The following ADAMTS19 variants were observed in gnomAD, a reference collection of about 807,000 sequenced individuals.
ADAMTS19 encodes the protein ADAM metallopeptidase with thrombospondin type 1 motif 19.
ADAMTS19 carries 93 observed loss-of-function variants against 153.3 expected under a neutral mutation model. The observed-to-expected ratio is 0.61, with a 90% confidence interval of 0.51 to 0.72. ADAMTS19 has a LOEUF of 0.72. Among genes scored for constraint, ADAMTS19 ranks in the 30% least tolerant of loss-of-function variants. ADAMTS19 has a pLI of 0.00. For missense variants in ADAMTS19, 1,482 were observed against 1,552.1 expected, an observed-to-expected ratio of 0.95 and a Z score of 0.76; for synonymous variants, 600 against 556.6, an observed-to-expected ratio of 1.08 and a Z score of -1.10.
In ADAMTS19 at chr5:129,482,964, T is replaced by G. The variant is rs1393323767; in HGVS notation, c.747+21207T>G. On this transcript the variant is annotated intron_variant, in intron 2 of 22. Coordinates refer to ENST00000274487, the MANE Select transcript of ADAMTS19 (RefSeq NM_133638.6). The stretch of plus-strand genomic sequence containing the variant: ...TAACAAAATCTTTTCACATACAAAA[T>G]TTTGCTCATATAATATAAATGGGAT... Among the ~76,000 whole-genome samples the G allele has an allele frequency of 2.0e-5, 3 of 152,304 alleles. No individual in the cohort carries two copies. In the East Asian group the frequency reaches 5.8e-4, roughly 29 times the overall value.
chr5:129,729,541 T>C (rs1041899214), intron 21 of ADAMTS19, among the ~76,000 whole-genome samples: 1 of 152,064 alleles, frequency 6.6e-6, no homozygotes, highest in Admixed American at 6.6e-5. Context: ...AGCAAATCTA[T>C]TAGTTATTAG....
chr5:129,649,768 G>A (rs1176390857), intron 13 of ADAMTS19, among the ~76,000 whole-genome samples: 1 of 152,122 alleles, frequency 6.6e-6, no homozygotes, highest in African/African-American at 2.4e-5. Context: ...TATAACCATG[G>A]GGAGAAACTG....
intron 2 of ADAMTS19, among the ~76,000 whole-genome samples, chr5:129,464,346 C>G (rs560871006): frequency 2.0e-5 from 3 of 152,104 alleles, no homozygotes; most frequent in African/African-American, 7.2e-5. Flanking sequence ...AATTATGATG[C>G]CTTTATATAG....
At chr5:129,666,076 A>C (rs1475753133) in intron 16 of ADAMTS19, among the ~76,000 whole-genome samples, 1 of 151,514 alleles carries the variant, frequency 6.6e-6, no homozygotes. Context: ...TTAATGGAAA[A>C]GGGTTCTCTC....
rs112052031 is a variant in ADAMTS19, at chr5:129,552,325, A to G, written c.1372+418A>G. 7.2e-5 allele frequency among the ~76,000 whole-genome samples: 11 copies of G among 151,978 alleles called. 1 individual carries two copies. The highest frequency in any genetic ancestry group is 2.6e-4 in the African/African-American group (11 of 41,536). On this transcript the variant is annotated intron_variant, in intron 7 of 22. Transcript: ENST00000274487. ...TGTGTCGAAATAAACTGCTAGATTC[A>G]GTATGATTCTTCTTACATGAAGTGG...
intron 16 of ADAMTS19, among the ~76,000 whole-genome samples, chr5:129,678,661 T>C (rs528073724): frequency 1.3e-5 from 2 of 152,264 alleles, no homozygotes; most frequent in Admixed American, 1.3e-4. Context: ...TCTAGGAAAA[T>C]CAATTTGAAA....
At chr5:129,568,295 G>C (rs1323812299) in intron 7 of ADAMTS19, among the ~76,000 whole-genome samples, 2 of 152,056 alleles carry the variant, frequency 1.3e-5, no homozygotes, top group African/African-American at 4.8e-5. Context: ...AGCAAAAATT[G>C]TAACATTGTC....
In ADAMTS19 at chr5:129,616,647, A is replaced by G. The variant is rs150399538; in HGVS notation, c.1479-3971A>G. On this transcript the variant is annotated intron_variant, in intron 8 of 22. Transcript: ENST00000274487. ...TATTTTTTCAGTTGACTTGACAACC[A>G]TGTACAATGTTAGTGAAGAGTTTAT... Among the ~76,000 whole-genome samples, 22 of 152,182 alleles carry G rather than the reference A, an allele frequency of 1.4e-4. 1 individual carries two copies. In the East Asian group the frequency reaches 4.1e-3, roughly 28 times the overall value.
At chr5:129,536,612 T>C (rs28846984) in intron 6 of ADAMTS19, among the ~76,000 whole-genome samples, 3 of 152,142 alleles carry the variant, frequency 2.0e-5, no homozygotes, top group Admixed American at 6.5e-5. Context: ...CACATGCACA[T>C]GTATGTTTAC....
intron 21 of ADAMTS19, among the ~76,000 whole-genome samples, chr5:129,712,651 T>C (rs753956147): frequency 1.3e-5 from 2 of 152,268 alleles, no homozygotes; most frequent in East Asian, 3.9e-4. Flanking sequence ...CCACTAGATA[T>C]ACAAAATTTA....
intron 7 of ADAMTS19, among the ~76,000 whole-genome samples, chr5:129,596,159 A>T (rs1183145713): frequency 6.6e-6 from 1 of 152,084 alleles, no homozygotes; most frequent in Non-Finnish European, 1.5e-5. Context: ...TTTATTTTGC[A>T]TTAATTTTTT....
chr5:129,467,346 T>C (rs888578174), intron 2 of ADAMTS19, among the ~76,000 whole-genome samples: 1 of 152,180 alleles, frequency 6.6e-6, no homozygotes, highest in African/African-American at 2.4e-5. Context: ...GTGGTTCTAA[T>C]TGAATTGGTT....
At chr5:129,708,838 T>C (rs919238263) in intron 21 of ADAMTS19, among the ~76,000 whole-genome samples, 9 of 152,142 alleles carry the variant, frequency 5.9e-5, no homozygotes, top group African/African-American at 2.2e-4. Context: ...TGATTAGTTT[T>C]GGACACATAT....
intron 2 of ADAMTS19, among the ~76,000 whole-genome samples, chr5:129,473,312 T>C (rs909674193): frequency 1.3e-5 from 2 of 152,080 alleles, no homozygotes; most frequent in African/African-American, 4.8e-5. Flanking sequence ...TTATGTAAAA[T>C]GTGATAGGTA....
intron 7 of ADAMTS19, among the ~76,000 whole-genome samples, chr5:129,585,014 G>A (rs1475361358): frequency 6.6e-6 from 1 of 152,136 alleles, no homozygotes; most frequent in Non-Finnish European, 1.5e-5. Context: ...TGAATCTCAG[G>A]GCCCTGGTGG....
chr5:129,597,239 C>T (rs1356751023), intron 8 of ADAMTS19, among the ~76,000 whole-genome samples: 2 of 152,052 alleles, frequency 1.3e-5, no homozygotes, highest in Non-Finnish European at 2.9e-5. Context: ...TTTCATTTCA[C>T]TGAAATTAAT....
rs762955636 is a variant in ADAMTS19, at chr5:129,704,266, C to T, written c.3187C>T (p.Arg1063Cys). 1.9e-6 allele frequency: 3 copies of T among 1,613,900 alleles called. No individual in the cohort carries two copies. Among genetic ancestry groups the T allele is most frequent in the African/African-American group, 1.3e-5 (1 of 75,018 alleles). ...TTCAGTCAAGTGTGGCAAAGGCATA[C>T]GTCATCGGACCGTTAGATGTACCAA... ...ECSVKCGKGI[R>C]HRTVRCTNPR... The change falls in exon 21 of 23, where the codon CGT (arginine) becomes TGT (cysteine). Residue 1063 changes from arginine (R) to cysteine (C), a missense_variant. Transcript: ENST00000274487.
chr5:129,490,403 C>T (rs1308688997), intron 2 of ADAMTS19, among the ~76,000 whole-genome samples: 1 of 152,066 alleles, frequency 6.6e-6, no homozygotes, highest in Non-Finnish European at 1.5e-5. Flanking sequence ...TTCAAAACAT[C>T]AGAAGAATGT....
At chr5:129,730,868 GTAGT>G (rs1340007470) in intron 21 of ADAMTS19, among the ~76,000 whole-genome samples, 4 of 152,130 alleles carry the variant, frequency 2.6e-5, no homozygotes, top group African/African-American at 9.7e-5. Context: ...ATATGCATAG[GTAGT>G]TAGGATAATG....
Sources: gnomAD v4.1 joint callset for allele counts (sites outside exome capture counted in the v4.1 genomes callset) on GRCh38, gnomAD v4.1.1 for gene constraint, MANE v1.5 for transcripts, NCBI Gene and HGNC (gene_info 2026-07-23, HGNC 2026-07-21) for gene names.